DNA2: variants seen among roughly 807,000 people sequenced by gnomAD.
DNA2 encodes the protein DNA replication helicase/nuclease 2, also known as DNA replication ATP-dependent helicase/nuclease DNA2.
In DNA2, 101 loss-of-function variants were observed where a neutral mutation model predicts 119.1. The observed-to-expected ratio is 0.85, with a 90% CI of 0.72 to 1.00. The LOEUF is 1.00. Among genes scored for constraint, DNA2 ranks in the 50% least tolerant of loss-of-function variants. The probability of loss-of-function intolerance (pLI) is 0.00; values close to 1 mark genes in which losing one functional copy is unlikely to be tolerated. For missense variants in DNA2, 1,121 were observed against 1,255.5 expected (o/e 0.89, Z 1.62); for synonymous variants, 366 against 424.4 (o/e 0.86, Z 1.69).
chr10:68,465,742 TTTA>T lies in DNA2; in HGVS notation c.509_511del (p.Ile170del). On this transcript the variant is annotated inframe_deletion, in exon 4 of 21. Transcript: ENST00000358410. ...TAGCTTTTCTGGGGCAAAGCTATTA[TTTA>T]TGGCTTTTTGAAACACCTCATGGAG... is the stretch of plus-strand genomic sequence containing the variant. 1 of 1,609,486 alleles carries T rather than the reference TTTA, an allele frequency of 6.2e-7. No homozygotes were observed. Among genetic ancestry groups the T allele is most frequent in the East Asian group, 2.2e-5 (1 of 44,792 alleles).
At chr10:68,429,373 T>C (rs952854633) in intron 14 of DNA2, among the ~76,000 whole-genome samples, 5 of 151,804 alleles carry the variant, frequency 3.3e-5, no homozygotes, top group African/African-American at 1.2e-4. Flanking sequence ...GGAGAAACCC[T>C]GTCTCTACTA....
At chr10:68,455,308 C>G (rs1425610436) in intron 5 of DNA2, among the ~76,000 whole-genome samples, 2 of 152,118 alleles carry the variant, frequency 1.3e-5, no homozygotes, top group African/African-American at 4.8e-5. Context: ...AAGCAAGGAA[C>G]TAGGTGAAGG....
intron 8 of DNA2, 91 bp downstream of exon 8, chr10:68,444,830 G>A (rs2052016895): frequency 5.2e-6 from 4 of 764,174 alleles, no homozygotes; most frequent in Non-Finnish European, 8.1e-6. Context: ...CTAAAATGAT[G>A]TTATCAATGC....
chr10:68,421,083 C>T (rs986896419), intron 17 of DNA2, among the ~76,000 whole-genome samples: 3 of 151,884 alleles, frequency 2.0e-5, no homozygotes, highest in African/African-American at 7.3e-5. Context: ...GGACTACAGG[C>T]GCACCACCAC....
At chr10:68,427,596 G>C (rs7092554) in intron 14 of DNA2, among the ~76,000 whole-genome samples, 33,091 of 150,022 alleles carry the variant, frequency 0.22, 4,347 homozygotes, top group African/African-American at 0.36. Context: ...CTGCAGTGAG[G>C]CGTGGTCTCA....
At chr10:68,435,210 C>A (rs937358495) in intron 10 of DNA2, among the ~76,000 whole-genome samples, 3 of 151,910 alleles carry the variant, frequency 2.0e-5, no homozygotes, top group Non-Finnish European at 2.9e-5. Flanking sequence ...TGCACCACCT[C>A]CTAATTTTTG....
chr10:68,462,209 C>A (rs568640195), intron 4 of DNA2, among the ~76,000 whole-genome samples: 3 of 151,900 alleles, frequency 2.0e-5, no homozygotes, highest in South Asian at 4.2e-4. Context: ...TGTCTCTACT[C>A]ACAAACACAA....
chr10:68,422,320 G>A lies in DNA2; in HGVS notation c.2602C>T (p.Leu868=), dbSNP rs775934198. The change falls in exon 17 of 21, where the codon CTG becomes TTG. Residue 868 remains leucine (L), a synonymous_variant. Coordinates refer to ENST00000358410, the MANE Select transcript of DNA2 (RefSeq NM_001080449.3). ...TAGTCAGCATAAAATTCCAGTTCCA[G>A]CTTCACATCTTTAAAGTGACGTAGG... The part of the protein sequence containing the change: ...INLRHFKDVK[L]ELEFYADYSD... The A allele has an allele frequency of 1.2e-6, 2 of 1,613,726 alleles. No homozygotes were observed. Among genetic ancestry groups the A allele is most frequent in the African/African-American group, 2.7e-5 (2 of 74,896 alleles).
intron 14 of DNA2, among the ~76,000 whole-genome samples, chr10:68,429,198 G>A (rs2133374216): frequency 6.6e-6 from 1 of 150,554 alleles, no homozygotes; most frequent in African/African-American, 2.5e-5. Context: ...GTTAAGCCAG[G>A]CACTATAGCC....
intron 5 of DNA2, among the ~76,000 whole-genome samples, chr10:68,458,757 A>T (rs10998196): frequency 6.6e-6 from 1 of 151,742 alleles, no homozygotes; most frequent in African/African-American, 2.4e-5. Flanking sequence ...CTGAGATAGG[A>T]GAATCACTTG....
At chr10:68,470,754 A>G (rs1405415785) in intron 1 of DNA2, 2 of 330,856 alleles carry the variant, frequency 6.0e-6, no homozygotes, top group Admixed American at 4.4e-5. Context: ...GACTTATGTT[A>G]CGGAAAAGGG....
chr10:68,430,307 G>A lies in DNA2; in HGVS notation c.2208+129C>T, dbSNP rs115919476. On this transcript the variant is annotated intron_variant, in intron 14 of 20. Transcript: ENST00000358410. ...CAAACTATAAGTTAATAAACTGGTC[G>A]TATAGTACATATAAATTAATCATGT... 8.2e-3 allele frequency: 5,502 copies of A among 673,622 alleles called. 218 individuals are homozygous for A. In the African/African-American group the frequency reaches 0.087, roughly 11 times the overall value. 41.7% of individuals were successfully genotyped at this position (673,622 alleles called of 1,614,324 possible). A position where few individuals can be genotyped will look rare whatever the true frequency, so the allele number is the denominator to read the frequency against.
chr10:68,471,211 A>G (rs2052377742), intron 1 of DNA2, among the ~76,000 whole-genome samples: 1 of 152,164 alleles, frequency 6.6e-6, no homozygotes, highest in African/African-American at 2.4e-5. Context: ...TTATTTTGCA[A>G]ACGCTTTATT....
In DNA2 at chr10:68,426,276, G is replaced by A. The variant is rs562175670; in HGVS notation, c.2209-3386C>T. The stretch of plus-strand genomic sequence containing the variant: ...TTTGCAGCCGGGCACAGTGGCTCAC[G>A]CCTGTAATCCCAGCACTTTGGGAGA... On this transcript the variant is annotated intron_variant, in intron 14 of 20. Coordinates refer to ENST00000358410, the MANE Select transcript of DNA2 (RefSeq NM_001080449.3). Among the ~76,000 whole-genome samples the A allele has an allele frequency of 5.3e-5, 8 of 149,712 alleles. No individual in the cohort carries two copies. In the South Asian group the frequency reaches 8.5e-4, roughly 16 times the overall value.
chr10:68,470,028 AGCAGTGATGACCAGGC>A lies in DNA2; in HGVS notation c.194_209del (p.Arg65LeufsTer5). 1 of 1,612,956 alleles carries A rather than the reference AGCAGTGATGACCAGGC, an allele frequency of 6.2e-7. No individual in the cohort carries two copies. Among genetic ancestry groups the A allele is most frequent in the East Asian group, 2.2e-5 (1 of 44,872 alleles). ...GTTCTTTATTTTCTAGTGACTGTGA[AGCAGTGATGACCAGGC>A]GCTTTTCACAGTTTCCCTCTTTGTT... On this transcript the variant is annotated frameshift_variant, in exon 2 of 21. Transcript: ENST00000358410. LOFTEE classifies it high-confidence loss of function.
rs187417786 is a variant in DNA2, at chr10:68,447,845, G to A, written c.940-1432C>T. Among the ~76,000 whole-genome samples, 1,159 of 151,698 alleles carry A rather than the reference G, an allele frequency of 7.6e-3. 7 individuals carry two copies. The highest frequency in any genetic ancestry group is 0.026 in the African/African-American group (1,069 of 41,364). ...AAAAATACAAAAAAATTAGCCGGGC[G>A]TGGTGGTGGGCGCCTGTAGTCCCAG... is the stretch of plus-strand genomic sequence containing the variant. On this transcript the variant is annotated intron_variant, in intron 6 of 20. Transcript: ENST00000358410.
intron 6 of DNA2, 78 bp downstream of exon 6, chr10:68,449,950 G>GTTT: frequency 9.5e-7 from 1 of 1,055,452 alleles, no homozygotes; most frequent in South Asian, 1.7e-5. Context: ...CTCCAGCCTG[G>GTTT]GAGACAGAAC....
rs763297912 is a variant in DNA2 at position 68,419,783 on chromosome 10, C to G, written c.2787+20G>C. 8.8e-5 allele frequency: 137 copies of G among 1,558,612 alleles called. 1 individual carries two copies. The South Asian group carries it at 1.3e-3, about 15-fold the overall frequency. The stretch of plus-strand genomic sequence containing the variant: ...TATTCTGCACTTTAATATTTGCTAG[C>G]CTTGAAAATTCTAAATTACCTTAAC... On this transcript the variant is annotated intron_variant, in intron 18 of 20. Transcript: ENST00000358410.
Position 68,426,236 on chromosome 10 carries a change from C to CAA in DNA2, c.2209-3348_2209-3347dup, listed in dbSNP as rs35022384. Among the ~76,000 whole-genome samples, 848 of 143,712 alleles carry CAA rather than the reference C, an allele frequency of 5.9e-3. 14 individuals are homozygous for CAA. Among genetic ancestry groups the CAA allele is most frequent in the African/African-American group, 0.017 (693 of 39,694 alleles). The allele number at this position is 143,712 out of a possible 152,430, so 94.3% of individuals were successfully genotyped here. A position where few individuals can be genotyped will look rare whatever the true frequency, so the allele number is the denominator to read the frequency against. ...AAAAAATGTATATTCCGGACTTCCT[C>CAA]AAAAAAAAAAACCTTTTGCAGCCGG... is the stretch of plus-strand genomic sequence containing the variant. On this transcript the variant is annotated intron_variant, in intron 14 of 20. Transcript: ENST00000358410.
Sources: allele counts gnomAD v4.1 joint callset (sites outside exome capture counted in the v4.1 genomes callset), GRCh38; gene constraint gnomAD v4.1.1; transcripts MANE v1.5; gene names NCBI Gene and HGNC (gene_info 2026-07-23, HGNC 2026-07-21).